Variants in PTPN3 observed in about 807,000 individuals in gnomAD.
PTPN3 encodes the protein protein tyrosine phosphatase non-receptor type 3.
Under a neutral mutation model 132.7 loss-of-function variants are expected in PTPN3, and 96 were observed. That is an observed-to-expected ratio of 0.72 (90% CI 0.61 to 0.86). The LOEUF (loss-of-function observed/expected upper bound fraction) is 0.86. Among genes scored for constraint, PTPN3 ranks in the 40% least tolerant of loss-of-function variants. The pLI, the probability that PTPN3 is intolerant of heterozygous loss-of-function variation, is 0.00. For synonymous variants in PTPN3, 398 were observed against 429.0 expected (o/e 0.93, Z 0.89); for missense variants, 1,125 against 1,159.6 (o/e 0.97, Z 0.43).
intron 9 of PTPN3, among the ~76,000 whole-genome samples, chr9:109,434,124 T>C (rs377319808): frequency 6.6e-6 from 1 of 152,306 alleles, no homozygotes; most frequent in East Asian, 1.9e-4. Context: ...GTTTTCCCAA[T>C]CAGATACTTG....
At chr9:109,487,969 G>A (rs1423630728) in intron 1 of PTPN3, among the ~76,000 whole-genome samples, 1 of 152,112 alleles carries the variant, frequency 6.6e-6, no homozygotes, top group African/African-American at 2.4e-5. Context: ...AGAGGGAGCC[G>A]GAAAAGGTTT....
At chr9:109,486,123 C>T (rs548612449) in intron 1 of PTPN3, among the ~76,000 whole-genome samples, 17 of 152,282 alleles carry the variant, frequency 1.1e-4, no homozygotes, top group Non-Finnish European at 1.8e-4. Context: ...TGGTGGCTTA[C>T]GGACCCCATC....
intron 10 of PTPN3, among the ~76,000 whole-genome samples, chr9:109,432,351 C>T (rs575212314): frequency 6.6e-6 from 1 of 152,186 alleles, no homozygotes; most frequent in East Asian, 1.9e-4. Context: ...GCCAAAACTC[C>T]GTGTTTTTTC....
intron 1 of PTPN3, among the ~76,000 whole-genome samples, chr9:109,484,345 C>T (rs1032525826): frequency 1.3e-5 from 2 of 152,168 alleles, no homozygotes; most frequent in Non-Finnish European, 2.9e-5. Context: ...GAGGTGGAGA[C>T]CGAAACTCAG....
At chr9:109,396,093 C>T (rs1207170070) in intron 19 of PTPN3, among the ~76,000 whole-genome samples, 1 of 152,170 alleles carries the variant, frequency 6.6e-6, no homozygotes, top group African/African-American at 2.4e-5. Context: ...AACTTCTGCA[C>T]TCAAGCAAGC....
chr9:109,447,085 G>C (rs746958726), intron 6 of PTPN3, among the ~76,000 whole-genome samples: 2 of 152,190 alleles, frequency 1.3e-5, no homozygotes, highest in Non-Finnish European at 2.9e-5. Flanking sequence ...GAGGTGGTGA[G>C]GACTTGACAA....
At chr9:109,498,687 G>A (rs562757238), upstream of PTPN3, among the ~76,000 whole-genome samples, 1 of 152,182 alleles carries the variant, frequency 6.6e-6, no homozygotes, top group Non-Finnish European at 1.5e-5. This position sits in a 1 kb window ranked among gnomAD's most constrained non-coding sequence, Gnocchi z 4.2. Context: ...TCCAGTGCTC[G>A]TCCCTTGGCA....
At chr9:109,399,903 A>G (rs2131688374) in intron 19 of PTPN3, among the ~76,000 whole-genome samples, 1 of 151,064 alleles carries the variant, frequency 6.6e-6, no homozygotes, top group Admixed American at 6.6e-5. Flanking sequence ...CCAGGACTAG[A>G]CGACCCAGAG....
At chr9:109,419,770 T>C (rs779125019) in intron 14 of PTPN3, among the ~76,000 whole-genome samples, 4 of 152,120 alleles carry the variant, frequency 2.6e-5, no homozygotes, top group Non-Finnish European at 5.9e-5. Context: ...ATGGGTTAAA[T>C]ATATCCTATT....
intron 22 of PTPN3, among the ~76,000 whole-genome samples, chr9:109,386,759 G>A (rs1285803789): frequency 6.6e-6 from 1 of 152,200 alleles, no homozygotes; most frequent in Non-Finnish European, 1.5e-5. Context: ...TTTACGTGGT[G>A]CACCTGAGAA....
At position 109,428,828 on chromosome 9, in the gene PTPN3, T is replaced by C. The variant is rs553122535; in HGVS notation, c.765-144A>G. The C allele has an allele frequency of 5.7e-4, 811 of 1,429,508 alleles. 1 individual carries two copies. The highest frequency in any genetic ancestry group is 2.7e-3 in the Middle Eastern group (13 of 4,780). The allele number at this position is 1,429,508 out of a possible 1,614,324, so 88.6% of individuals were successfully genotyped here. Reference sequence around the variant, plus strand: ...CCTAGAGTTTACTTCTCTGTAGAAATGATGGCAGCCCCACTGCCGCAGGCT... The same window carrying C: ...CCTAGAGTTTACTTCTCTGTAGAAACGATGGCAGCCCCACTGCCGCAGGCT... On this transcript the variant is annotated intron_variant, in intron 10 of 25. Coordinates refer to ENST00000374541, the MANE Select transcript of PTPN3 (RefSeq NM_002829.4).
At chr9:109,460,729 C>A (rs1302351193) in intron 2 of PTPN3, among the ~76,000 whole-genome samples, 2 of 152,198 alleles carry the variant, frequency 1.3e-5, no homozygotes, top group Non-Finnish European at 2.9e-5. Context: ...TGCCCTGGCA[C>A]TCTCTCCCTC....
the PTPN3 span, among the ~76,000 whole-genome samples, chr9:109,526,665 C>T: frequency 6.6e-6 from 1 of 151,808 alleles, no homozygotes; most frequent in Admixed American, 6.6e-5. Flanking sequence ...ACAGAGTGAG[C>T]CCTTGTCTAA....
chr9:109,412,942 ATTTT>A (rs34903384), intron 14 of PTPN3, among the ~76,000 whole-genome samples: 1 of 140,024 alleles, frequency 7.1e-6, no homozygotes, highest in Admixed American at 7.2e-5. Flanking sequence ...GCCCTAACCT[ATTTT>A]TTTTTTTTTT....
At chr9:109,515,559 A>C in the PTPN3 span, among the ~76,000 whole-genome samples, 1 of 152,196 alleles carries the variant, frequency 6.6e-6, no homozygotes, top group Admixed American at 6.5e-5. Context: ...GCTATAAAGG[A>C]ATACCTGAGA....
intron 16 of PTPN3, among the ~76,000 whole-genome samples, chr9:109,408,787 A>AT (rs1841787807): frequency 3.9e-5 from 2 of 51,662 alleles, no homozygotes; most frequent in South Asian, 8.4e-4. Flanking sequence ...TAATTAAAAA[A>AT]AAAAAAAAAA....
chr9:109,482,910 G>A (rs968448307), intron 1 of PTPN3, among the ~76,000 whole-genome samples: 11 of 152,192 alleles, frequency 7.2e-5, no homozygotes, highest in Admixed American at 5.9e-4. Flanking sequence ...GCACTCGCAG[G>A]TGCTAAGGCT....
the PTPN3 span, among the ~76,000 whole-genome samples, chr9:109,524,850 A>G: frequency 6.6e-6 from 1 of 151,486 alleles, no homozygotes; most frequent in Non-Finnish European, 1.5e-5. Flanking sequence ...TGATCCTCCT[A>G]CCTCTGCCTC....
chr9:109,425,372 A>G (rs1011059512), intron 12 of PTPN3, among the ~76,000 whole-genome samples: 2 of 152,234 alleles, frequency 1.3e-5, no homozygotes, highest in African/African-American at 4.8e-5. Context: ...TAATAGCCAC[A>G]TCAACAACAA....
Sources: allele counts gnomAD v4.1 joint callset (sites outside exome capture counted in the v4.1 genomes callset), GRCh38; gene constraint gnomAD v4.1.1; non-coding constraint Gnocchi (gnomAD v3.1); transcripts MANE v1.5; gene names NCBI Gene and HGNC (gene_info 2026-07-23, HGNC 2026-07-21).